The following PCDH15 variants were observed in gnomAD, a reference collection of about 807,000 sequenced individuals.
PCDH15 encodes protocadherin related 15, also known as protocadherin-15.
In PCDH15, 129 loss-of-function variants were observed where a neutral mutation model predicts 178.5. That is an observed-to-expected ratio of 0.72 (90% CI 0.63 to 0.84). PCDH15 has a LOEUF of 0.84. PCDH15 is among the 40% of genes least tolerant of loss of function. The pLI is 0.00. For missense variants in PCDH15, 2,230 were observed against 2,099.9 expected (o/e 1.06, Z -1.21); for synonymous variants, 800 against 732.0 (o/e 1.09, Z -1.50).
chr10:54,714,043 A>G (rs2095452219), intron 1 of PCDH15, among the ~76,000 whole-genome samples: 2 of 152,132 alleles, frequency 1.3e-5, no homozygotes, highest in Non-Finnish European at 2.9e-5. Flanking sequence ...CCTCTGTGAG[A>G]CTCAGTTTTC....
At chr10:55,188,769 CAT>C (rs1335941393) in intron 1 of PCDH15, among the ~76,000 whole-genome samples, 1 of 151,636 alleles carries the variant, frequency 6.6e-6, no homozygotes, top group African/African-American at 2.4e-5. Context: ...TTTTTACATA[CAT>C]GTGTATATAT....
At chr10:54,142,890 C>T (rs984418522) in intron 14 of PCDH15, among the ~76,000 whole-genome samples, 3 of 152,096 alleles carry the variant, frequency 2.0e-5, no homozygotes, top group African/African-American at 7.2e-5. Flanking sequence ...ACAGAGTCTC[C>T]TCTCTATCAA....
At chr10:55,343,275 T>C (rs571272476) in intron 2 of PCDH15, among the ~76,000 whole-genome samples, 38 of 152,140 alleles carry the variant, frequency 2.5e-4, no homozygotes, top group Non-Finnish European at 3.4e-4. Context: ...GCATGCTGTC[T>C]ACAATTGTGA....
chr10:54,034,453 T>C (rs2093370134), intron 18 of PCDH15, among the ~76,000 whole-genome samples: 1 of 151,960 alleles, frequency 6.6e-6, no homozygotes, highest in Non-Finnish European at 1.5e-5. Context: ...TGTCTCCAAA[T>C]TGGTTGATTT....
intron 20 of PCDH15, among the ~76,000 whole-genome samples, chr10:53,998,262 A>G (rs990361256): frequency 1.3e-5 from 2 of 152,176 alleles, no homozygotes; most frequent in Admixed American, 6.5e-5. Flanking sequence ...TGGTCTCAAC[A>G]AAAAATAGTT....
chr10:54,739,561 C>T (rs1029994356), intron 1 of PCDH15, among the ~76,000 whole-genome samples: 2 of 135,088 alleles, frequency 1.5e-5, no homozygotes, highest in African/African-American at 5.6e-5. Flanking sequence ...TTCACAAAAT[C>T]GAAAAAAAAA....
intron 2 of PCDH15, among the ~76,000 whole-genome samples, chr10:55,038,799 A>G (rs1203194251): frequency 1.3e-5 from 2 of 152,250 alleles, no homozygotes; most frequent in Non-Finnish European, 2.9e-5. Flanking sequence ...TCAAGGCTGG[A>G]AGCAGGAATT....
chr10:55,195,789 A>T (rs548060795), intron 1 of PCDH15, among the ~76,000 whole-genome samples: 1 of 151,972 alleles, frequency 6.6e-6, no homozygotes, highest in Non-Finnish European at 1.5e-5. Flanking sequence ...AATGTCATAG[A>T]TGAGATTTGC....
chr10:54,604,814 T>C (rs545711493), intron 2 of PCDH15, among the ~76,000 whole-genome samples: 1 of 151,946 alleles, frequency 6.6e-6, no homozygotes, highest in East Asian at 1.9e-4. Context: ...TTTTTTTCTT[T>C]CTTGATGTCT....
intron 1 of PCDH15, among the ~76,000 whole-genome samples, chr10:54,762,114 C>T (rs1265452816): frequency 2.0e-5 from 3 of 152,028 alleles, no homozygotes; most frequent in African/African-American, 7.3e-5. Context: ...CACATTTTAC[C>T]TATGTATGAG....
chr10:55,157,812 G>A (rs531807976), intron 2 of PCDH15, among the ~76,000 whole-genome samples: 76 of 151,952 alleles, frequency 5.0e-4, no homozygotes, highest in African/African-American at 1.7e-3. Context: ...CTGTGGGGTG[G>A]GGGAAGGGGG....
At chr10:55,467,195 C>G (rs1191552281) in intron 2 of PCDH15, among the ~76,000 whole-genome samples, 1 of 151,946 alleles carries the variant, frequency 6.6e-6, no homozygotes, top group Non-Finnish European at 1.5e-5. Context: ...AACAAAAATC[C>G]AAGCAAATAA....
chr10:53,857,092 T>C, intron 28 of PCDH15, 83 bp downstream of exon 28: 1 of 1,023,436 alleles, frequency 9.8e-7, no homozygotes, highest in Non-Finnish European at 1.5e-6. Flanking sequence ...ATGTATCCCC[T>C]GAATCTAAAA....
chr10:54,053,849 T>C lies in PCDH15; in HGVS notation c.2220+12908A>G, dbSNP rs552110591. On this transcript the variant is annotated intron_variant, in intron 18 of 37. Coordinates refer to ENST00000644397, the MANE Select transcript of PCDH15 (RefSeq NM_001384140.1). ...GATAATTATAAAGTGTCAAGACCAG[T>C]ATCAGGATAACTAACTCACAGGCTG... Among the ~76,000 whole-genome samples the C allele has an allele frequency of 6.6e-5, 10 of 152,286 alleles. No homozygotes were observed. In the East Asian group the frequency reaches 1.5e-3, roughly 24 times the overall value.
rs1555172505 is a variant in PCDH15 at position 54,731,545 on chromosome 10, G to GATAGATATATATATATATAT, written c.-28-67256_-28-67255insATATATATATATATATCTAT. Among the ~76,000 whole-genome samples, 6 of 80,284 alleles carry GATAGATATATATATATATAT rather than the reference G, an allele frequency of 7.5e-5. 1 individual carries two copies. Among genetic ancestry groups the GATAGATATATATATATATAT allele is most frequent in the African/African-American group, 2.8e-4 (6 of 21,248 alleles). The allele number at this position is 80,284 out of a possible 152,430, so 52.7% of individuals were successfully genotyped here. A position where few individuals can be genotyped will look rare whatever the true frequency, so the allele number is the denominator to read the frequency against. ...CAATGAATAAAGAAAATGTGAGATA[G>GATAGATATATATATATATAT]ATATATATATATATATATACACACA... On this transcript the variant is annotated intron_variant, in intron 1 of 37. Transcript: ENST00000644397.
At chr10:54,378,246 T>TAA (rs201284925) in intron 4 of PCDH15, among the ~76,000 whole-genome samples, 161 of 151,534 alleles carry the variant, frequency 1.1e-3, no homozygotes, top group African/African-American at 3.8e-3. Flanking sequence ...ATATTCTTAA[T>TAA]AAAAAAAAAT....
At chr10:54,999,954 T>A (rs576691822) in intron 2 of PCDH15, among the ~76,000 whole-genome samples, 2 of 152,206 alleles carry the variant, frequency 1.3e-5, no homozygotes, top group African/African-American at 4.8e-5. Flanking sequence ...AGGGTGTGGG[T>A]CATAGAGATC....
intron 3 of PCDH15, among the ~76,000 whole-genome samples, chr10:54,391,302 G>A (rs1950520429): frequency 6.6e-6 from 1 of 152,224 alleles, no homozygotes; most frequent in South Asian, 2.1e-4. Context: ...CATGCTATGT[G>A]AATCTCCCAC....
chr10:55,087,769 C>T (rs1205070133), intron 2 of PCDH15, among the ~76,000 whole-genome samples: 1 of 151,988 alleles, frequency 6.6e-6, no homozygotes, highest in African/African-American at 2.4e-5. Flanking sequence ...TCTTAAGCCC[C>T]AGAAGTCAGA....
Sources: allele counts gnomAD v4.1 joint callset (sites outside exome capture counted in the v4.1 genomes callset), GRCh38; gene constraint gnomAD v4.1.1; transcripts MANE v1.5; gene names NCBI Gene and HGNC (gene_info 2026-07-23, HGNC 2026-07-21).